EYS: variants seen among roughly 807,000 people sequenced by gnomAD.
EYS encodes the protein protein eyes shut homolog.
A neutral mutation model predicts 282.1 loss-of-function variants in EYS; 250 were observed. The observed-to-expected ratio is 0.89, with a 90% CI of 0.80 to 0.98. EYS has a LOEUF of 0.98. Ranked by LOEUF, EYS falls within the 50% of genes least tolerant of loss-of-function variation. The pLI, the probability that EYS is intolerant of heterozygous loss-of-function variation, is 0.00. For missense variants in EYS, 4,016 were observed against 3,709.0 expected (o/e 1.08, Z -2.15); for synonymous variants, 1,355 against 1,282.9 (o/e 1.06, Z -1.20).
At chr6:65,369,315 A>AT (rs201961063) in intron 8 of EYS, among the ~76,000 whole-genome samples, 22 of 45,700 alleles carry the variant, frequency 4.8e-4, no homozygotes, top group Non-Finnish European at 1.5e-3. Context: ...TAATATATAT[A>AT]TTATATATAT....
In EYS at chr6:63,736,399, A is replaced by G. The variant is rs1768913875; in HGVS notation, c.8072-9719T>C. Among the ~76,000 whole-genome samples, 2 of 151,852 alleles carry G rather than the reference A, an allele frequency of 1.3e-5. 1 individual carries two copies. The highest frequency in any genetic ancestry group is 4.2e-4 in the South Asian group (2 of 4,804). On this transcript the variant is annotated intron_variant, in intron 41 of 42. Coordinates refer to ENST00000503581, the MANE Select transcript of EYS (RefSeq NM_001142800.2). ...TTTGTCAAAGATCAGATAGTTGTAG[A>G]TATGTGGCATTATTTCTGAGGGCTC...
At chr6:64,728,757 T>A (rs1161785440) in intron 22 of EYS, 2 of 152,314 alleles carry the variant, frequency 1.3e-5, no homozygotes, top group Non-Finnish European at 2.9e-5. Flanking sequence ...AGAGTCAGTG[T>A]GACAGTCTTC....
intron 35 of EYS, among the ~76,000 whole-genome samples, chr6:63,917,686 G>A (rs376184152): frequency 6.6e-6 from 1 of 152,284 alleles, no homozygotes; most frequent in East Asian, 1.9e-4. Context: ...GGCAATAAAG[G>A]TAAAATCAAT....
intron 28 of EYS, among the ~76,000 whole-genome samples, chr6:64,402,441 C>T (rs1282315997): frequency 6.6e-6 from 1 of 152,106 alleles, no homozygotes; most frequent in Non-Finnish European, 1.5e-5. Context: ...TAGAAATGTA[C>T]CACATATTCC....
At chr6:65,488,725 T>C (rs969862362) in intron 5 of EYS, among the ~76,000 whole-genome samples, 6 of 151,976 alleles carry the variant, frequency 3.9e-5, no homozygotes, top group African/African-American at 1.5e-4. Context: ...AACTTCAAAT[T>C]TTACTACAAG....
At chr6:64,566,509 A>T (rs1019516016) in intron 26 of EYS, among the ~76,000 whole-genome samples, 9 of 152,306 alleles carry the variant, frequency 5.9e-5, no homozygotes, top group African/African-American at 2.2e-4. Flanking sequence ...ATTGATAAGA[A>T]TGGGCACTTA....
intron 35 of EYS, among the ~76,000 whole-genome samples, chr6:63,883,536 A>G (rs1295860741): frequency 1.3e-5 from 2 of 152,196 alleles, no homozygotes; most frequent in Non-Finnish European, 2.9e-5. Context: ...TCTTGCAGAT[A>G]ATCTGTAGGC....
chr6:64,878,776 G>A (rs760297032), intron 19 of EYS, among the ~76,000 whole-genome samples: 11 of 151,240 alleles, frequency 7.3e-5, no homozygotes, highest in Admixed American at 1.3e-4. Context: ...TTTAACAAGA[G>A]TCAAAATTGG....
intron 22 of EYS, among the ~76,000 whole-genome samples, chr6:64,640,787 G>T (rs567330852): frequency 1.3e-5 from 2 of 152,266 alleles, no homozygotes; most frequent in South Asian, 4.1e-4. Flanking sequence ...GCTTCATGAT[G>T]AAAACAAAAC....
chr6:65,279,972 G>T (rs556612588), intron 12 of EYS, among the ~76,000 whole-genome samples: 1 of 152,212 alleles, frequency 6.6e-6, no homozygotes, highest in African/African-American at 2.4e-5. Context: ...AGGAAAGGAG[G>T]CTTTCCTAGA....
chr6:64,873,222 T>C (rs1349842094), intron 19 of EYS, among the ~76,000 whole-genome samples: 1 of 152,130 alleles, frequency 6.6e-6, no homozygotes, highest in East Asian at 1.9e-4. Context: ...AAAGAGCTTG[T>C]GCAGGGAAAC....
chr6:64,529,886 G>T (rs1042003540), intron 26 of EYS, among the ~76,000 whole-genome samples: 3 of 152,042 alleles, frequency 2.0e-5, no homozygotes, highest in South Asian at 4.1e-4. Context: ...CCAGCAGAAA[G>T]AATTGAGATG....
Position 63,778,145 on chromosome 6 carries a change from C to G in EYS, c.7759G>C (p.Asp2587His). 1 of 1,551,904 alleles carries G rather than the reference C, an allele frequency of 6.4e-7. No individual in the cohort carries two copies. The highest frequency in any genetic ancestry group is 1.2e-5 in the South Asian group (1 of 84,064). ...TTTCCCAGTCCTCTGAAATGGCCAT[C>G]CTTCTCAGTGCGAACTTGAAGAGTG... Reference protein sequence around the residue: ...IFTLQVRTEKDGHFRGLGNPE... With the variant: ...IFTLQVRTEKHGHFRGLGNPE... The change falls in exon 40 of 43, where the codon GAT becomes CAT. Residue 2587 changes from aspartate (D) to histidine (H), a missense_variant. Coordinates refer to ENST00000503581, the MANE Select transcript of EYS (RefSeq NM_001142800.2).
chr6:65,228,244 TC>T (rs1280639663), intron 12 of EYS, among the ~76,000 whole-genome samples: 1 of 151,904 alleles, frequency 6.6e-6, no homozygotes, highest in African/African-American at 2.4e-5. Flanking sequence ...GAAAAAGCAC[TC>T]AGATTGAAAA....
intron 22 of EYS, among the ~76,000 whole-genome samples, chr6:64,667,146 G>T (rs1769261063): frequency 3.3e-5 from 5 of 150,314 alleles, no homozygotes; most frequent in African/African-American, 1.2e-4. Context: ...AATGAAATGT[G>T]TAAGAGCACA....
In EYS at chr6:65,523,291, T is replaced by C. The variant is rs1461008655; in HGVS notation, c.-332-27298A>G. On this transcript the variant is annotated intron_variant, in intron 2 of 42. Transcript: ENST00000503581. Reference sequence around the variant, plus strand: ...CTTATGTGACAGTTAAAAAAATAAATTGTGATACACACACACAAACATAGA... The same window carrying C: ...CTTATGTGACAGTTAAAAAAATAAACTGTGATACACACACACAAACATAGA... Among the ~76,000 whole-genome samples the C allele has an allele frequency of 2.0e-5, 3 of 152,134 alleles. 1 individual carries two copies. Among genetic ancestry groups the C allele is most frequent in the South Asian group, 4.1e-4 (2 of 4,828 alleles).
intron 26 of EYS, among the ~76,000 whole-genome samples, chr6:64,525,780 A>C (rs1777898041): frequency 6.6e-6 from 1 of 151,844 alleles, no homozygotes; most frequent in Admixed American, 6.6e-5. Flanking sequence ...GCATGTAAAC[A>C]GGTACAGTCA....
At chr6:64,143,113 G>A (rs1316808417) in intron 31 of EYS, among the ~76,000 whole-genome samples, 1 of 152,144 alleles carries the variant, frequency 6.6e-6, no homozygotes, top group African/African-American at 2.4e-5. Flanking sequence ...TGATATTCTG[G>A]AAAAGCAAAA....
intron 2 of EYS, among the ~76,000 whole-genome samples, chr6:65,534,276 C>T (rs949574757): frequency 2.0e-5 from 3 of 152,068 alleles, no homozygotes; most frequent in Non-Finnish European, 4.4e-5. Context: ...GCTCTCTAGT[C>T]AGAAAATCAC....
Sources: gnomAD v4.1 joint callset for allele counts (sites outside exome capture counted in the v4.1 genomes callset) on GRCh38, gnomAD v4.1.1 for gene constraint, MANE v1.5 for transcripts, NCBI Gene and HGNC (gene_info 2026-07-23, HGNC 2026-07-21) for gene names.